The following TENT5C variants were observed in gnomAD, a reference collection of about 807,000 sequenced individuals.
TENT5C encodes the protein family with sequence similarity 46 member C.
A neutral mutation model predicts 22.2 loss-of-function variants in TENT5C; 5 were observed. The ratio of observed to expected loss-of-function variants is 0.22; its 90% confidence interval spans 0.12 to 0.47. The LOEUF (loss-of-function observed/expected upper bound fraction) is 0.47. Among genes scored for constraint, TENT5C ranks in the 20% least tolerant of loss-of-function variants. The pLI is 0.99. For missense variants in TENT5C, 364 were observed against 500.9 expected, an observed-to-expected ratio of 0.73 and a Z score of 2.61; for synonymous variants, 199 against 195.4, an observed-to-expected ratio of 1.02 and a Z score of -0.15.
At chr1:117,617,892 G>A (rs1433904590) in intron 1 of TENT5C, among the ~76,000 whole-genome samples, 2 of 152,268 alleles carry the variant, frequency 1.3e-5, no homozygotes, top group East Asian at 3.9e-4. Flanking sequence ...TGTACTTTTG[G>A]TATTTGAAAT....
rs1413178082 is a variant in TENT5C at position 117,624,305 on chromosome 1, G to T, written c.*261G>T. ...GACCTATCCACATCTTTCCAAGATA[G>T]ACACTAACATGTCATGTCCCAAACA... On this transcript the variant is annotated 3_prime_UTR_variant, in exon 2 of 2. Coordinates refer to ENST00000369448, the MANE Select transcript of TENT5C (RefSeq NM_017709.4). 1.5e-5 allele frequency: 7 copies of T among 475,312 alleles called. No homozygotes were observed. The highest frequency in any genetic ancestry group is 3.8e-6 in the Non-Finnish European group (1 of 261,876). 29.4% of individuals were successfully genotyped at this position (475,312 alleles called of 1,614,324 possible). A position where few individuals can be genotyped will look rare whatever the true frequency, so the allele number is the denominator to read the frequency against.
At chr1:117,611,668 C>A (rs1356873086) in intron 1 of TENT5C, among the ~76,000 whole-genome samples, 1 of 151,950 alleles carries the variant, frequency 6.6e-6, no homozygotes, top group Non-Finnish European at 1.5e-5. Context: ...CAGCAAGACC[C>A]CATCTATATA....
At chr1:117,613,331 C>T (rs1182990672) in intron 1 of TENT5C, among the ~76,000 whole-genome samples, 4 of 152,162 alleles carry the variant, frequency 2.6e-5, no homozygotes, top group African/African-American at 4.8e-5. Context: ...CAGAGTATAC[C>T]TTTCAACACT....
At chr1:117,617,407 T>C (rs990602445) in intron 1 of TENT5C, among the ~76,000 whole-genome samples, 21 of 151,514 alleles carry the variant, frequency 1.4e-4, no homozygotes, top group African/African-American at 5.1e-4. Context: ...CCCTTCAGTG[T>C]GTGTATTCTA....
chr1:117,606,131 T>C lies in TENT5C; in HGVS notation c.-50T>C, dbSNP rs976128201. On this transcript the variant is annotated 5_prime_UTR_variant, in exon 1 of 2. Coordinates refer to ENST00000369448, the MANE Select transcript of TENT5C (RefSeq NM_017709.4). Reference sequence around the variant, plus strand: ...TGCCCACGCCAAGGACCTGCCTCTGTCGCCTCCTCTTCTATTGCCCAGGTG... The same window carrying C: ...TGCCCACGCCAAGGACCTGCCTCTGCCGCCTCCTCTTCTATTGCCCAGGTG... The C allele has an allele frequency of 1.3e-5, 2 of 152,428 alleles. No individual in the cohort carries two copies. Among genetic ancestry groups the C allele is most frequent in the African/African-American group, 4.8e-5 (2 of 41,398 alleles). The allele number at this position is 152,428 out of a possible 1,614,324, so 9.4% of individuals were successfully genotyped here.
intron 1 of TENT5C, among the ~76,000 whole-genome samples, chr1:117,622,111 T>A (rs575719278): frequency 5.3e-5 from 8 of 152,326 alleles, no homozygotes; most frequent in South Asian, 2.1e-4. Flanking sequence ...TTTTGTTGAC[T>A]CGAAATTTTG....
chr1:117,614,782 A>G (rs1326094309), intron 1 of TENT5C, among the ~76,000 whole-genome samples: 1 of 151,958 alleles, frequency 6.6e-6, no homozygotes, highest in African/African-American at 2.4e-5. Flanking sequence ...CATTCCTGAT[A>G]ATCTCCCTCC....
Position 117,624,044 on chromosome 1 carries a change from A to G in TENT5C, c.1176A>G (p.Ter392=). 1 of 1,607,888 alleles carries G rather than the reference A, an allele frequency of 6.2e-7. No individual in the cohort carries two copies. Among genetic ancestry groups the G allele is most frequent in the Non-Finnish European group, 8.5e-7 (1 of 1,176,512 alleles). ...ACCCTACCTGGCTGCCCTGTAACTA[A>G]CCTTGAGACCTGAGGGTTTCCACAG... ...QPYPTWLPCN[*] The change falls in exon 2 of 2, where the codon TAA becomes TAG. Residue 392 remains the stop codon, a stop_retained_variant. Transcript: ENST00000369448.
chr1:117,620,310 T>A (rs867784238), intron 1 of TENT5C, among the ~76,000 whole-genome samples: 3 of 152,240 alleles, frequency 2.0e-5, no homozygotes, highest in Non-Finnish European at 2.9e-5. Flanking sequence ...CTGGAGATTT[T>A]AAAAAAATTG....
intron 1 of TENT5C, among the ~76,000 whole-genome samples, chr1:117,606,451 C>G (rs1653536964): frequency 6.6e-6 from 1 of 152,204 alleles, no homozygotes; most frequent in African/African-American, 2.4e-5. Context: ...CAAACTCCAG[C>G]GAGTTCCTGC....
chr1:117,628,360 A>G lies in TENT5C; in HGVS notation c.*4316A>G, dbSNP rs1409404161. The stretch of plus-strand genomic sequence containing the variant: ...GTTTGAGAAATAAAGGTATATTTAA[A>G]ATTTAAATAAAACTTGTCATTTATG... On this transcript the variant is annotated 3_prime_UTR_variant, in exon 2 of 2. Transcript: ENST00000369448. The G allele has an allele frequency of 4.3e-6, 1 of 233,130 alleles. No homozygotes were observed. The highest frequency in any genetic ancestry group is 9.1e-6 in the Non-Finnish European group (1 of 109,860). The allele number at this position is 233,130 out of a possible 1,614,324, so 14.4% of individuals were successfully genotyped here.
rs2884587 is a variant in TENT5C, at chr1:117,623,474, C to T, written c.606C>T (p.Ile202=). The T allele has an allele frequency of 0.17, 269,561 of 1,613,924 alleles. 23,891 individuals carry two copies. Among genetic ancestry groups the T allele is most frequent in the Admixed American group, 0.25 (14,883 of 60,012 alleles). The stretch of plus-strand genomic sequence containing the variant: ...TCTATGACTGTTCCAATAATCCCAT[C>T]TCTGAGCACTTCCACCCCACCGTGA... ...LFFYDCSNNP[I]SEHFHPTVIG... is the part of the protein sequence containing the mutation. Residue 202 remains isoleucine, a synonymous_variant, in exon 2 of 2, where the codon ATC becomes ATT. Coordinates refer to ENST00000369448, the MANE Select transcript of TENT5C (RefSeq NM_017709.4).
chr1:117,608,435 C>T (rs1653594040), intron 1 of TENT5C, among the ~76,000 whole-genome samples: 1 of 152,140 alleles, frequency 6.6e-6, no homozygotes, highest in African/African-American at 2.4e-5. Context: ...AGCCCACATT[C>T]CCCCGTGTTC....
At chr1:117,614,283 C>T (rs78107062) in intron 1 of TENT5C, among the ~76,000 whole-genome samples, 3,705 of 152,288 alleles carry the variant, frequency 0.024, 136 homozygotes, top group African/African-American at 0.084. Context: ...AAGGCCATAT[C>T]CATGTTGACC....
Position 117,628,265 on chromosome 1 carries a change from A to G in TENT5C, c.*4221A>G, listed in dbSNP as rs546472977. On this transcript the variant is annotated 3_prime_UTR_variant, in exon 2 of 2. Transcript: ENST00000369448. The stretch of plus-strand genomic sequence containing the variant: ...TGGGGATTCCTCTTTCGTGGTGGTC[A>G]CTAACCTTACTTGATGCAGATAAAA... 2.3e-4 allele frequency: 58 copies of G among 247,414 alleles called. No homozygotes were observed. The highest frequency in any genetic ancestry group is 1.1e-3 in the African/African-American group (51 of 45,442). The allele number at this position is 247,414 out of a possible 1,614,324, so 15.3% of individuals were successfully genotyped here. A position where few individuals can be genotyped will look rare whatever the true frequency, so the allele number is the denominator to read the frequency against.
In TENT5C at chr1:117,624,180, T is replaced by TTC. The variant is rs1317065450; in HGVS notation, c.*136_*137insTC. On this transcript the variant is annotated 3_prime_UTR_variant, in exon 2 of 2. Transcript: ENST00000369448. ...CTGATTCTGCTTTTTTTTTTTTTTT[T>TTC]CCTTTGTGTACCCATTGGAATGGGT... 25 of 763,214 alleles carry TTC rather than the reference T, an allele frequency of 3.3e-5. No homozygotes were observed. The South Asian group carries it at 4.5e-4, about 14-fold the overall frequency. The allele number at this position is 763,214 out of a possible 1,614,324, so 47.3% of individuals were successfully genotyped here.
chr1:117,624,234 A>T lies in TENT5C; in HGVS notation c.*190A>T. The T allele has an allele frequency of 1.7e-6, 1 of 583,456 alleles. No individual in the cohort carries two copies. 36.1% of individuals were successfully genotyped at this position (583,456 alleles called of 1,614,324 possible). On this transcript the variant is annotated 3_prime_UTR_variant, in exon 2 of 2. Transcript: ENST00000369448. Reference sequence around the variant, plus strand: ...CAGTGTATCATGAGCCAACCCTCAAAGGACCCGTATTACAGTGCCACGTTG... The same window carrying T: ...CAGTGTATCATGAGCCAACCCTCAATGGACCCGTATTACAGTGCCACGTTG...
rs1175129370 is a variant in TENT5C, at chr1:117,625,648, A to G, written c.*1604A>G. On this transcript the variant is annotated 3_prime_UTR_variant, in exon 2 of 2. Coordinates refer to ENST00000369448, the MANE Select transcript of TENT5C (RefSeq NM_017709.4). ...CCCTTCCTTTGGCTATGAAAACCCA[A>G]AGCCCGGAGTGATTGTTTTCTCCTT... 1 of 248,000 alleles carries G rather than the reference A, an allele frequency of 4.0e-6. No individual in the cohort carries two copies. The highest frequency in any genetic ancestry group is 8.5e-6 in the Non-Finnish European group (1 of 118,140). 15.4% of individuals were successfully genotyped at this position (248,000 alleles called of 1,614,324 possible). A position where few individuals can be genotyped will look rare whatever the true frequency, so the allele number is the denominator to read the frequency against.
Position 117,623,564 on chromosome 1 carries a change from C to T in TENT5C, c.696C>T (p.Ala232=), listed in dbSNP as rs1558007966. The T allele has an allele frequency of 6.8e-6, 11 of 1,613,906 alleles. No individual in the cohort carries two copies. Among genetic ancestry groups the T allele is most frequent in the African/African-American group, 1.3e-5 (1 of 74,872 alleles). ...ACCATCTGCAGAACAGACTGATCGC[C>T]ACCAAGAACCCAGAAGAAATCAGAG... is the stretch of plus-strand genomic sequence containing the variant. The part of the protein sequence containing the change: ...AFDHLQNRLI[A]TKNPEEIRGG... The change falls in exon 2 of 2, where the codon GCC becomes GCT. Residue 232 remains alanine, a synonymous_variant. Transcript: ENST00000369448.
Sources: allele counts gnomAD v4.1 joint callset (sites outside exome capture counted in the v4.1 genomes callset), GRCh38; gene constraint gnomAD v4.1.1; transcripts MANE v1.5; gene names NCBI Gene and HGNC (gene_info 2026-07-23, HGNC 2026-07-21).